Variants in ZFAND3 observed in about 807,000 individuals in gnomAD.
ZFAND3 encodes the protein zinc finger AN1-type containing 3, also known as AN1-type zinc finger protein 3.
A neutral mutation model predicts 29.6 loss-of-function variants in ZFAND3; 10 were observed. That is an observed-to-expected ratio of 0.34 (90% CI 0.21 to 0.57). ZFAND3 has a LOEUF of 0.57. Among genes scored for constraint, ZFAND3 ranks in the 20% least tolerant of loss-of-function variants. The pLI is 0.86. For missense variants in ZFAND3, 230 were observed against 304.5 expected (o/e 0.76, Z 1.82); for synonymous variants, 128 against 112.6 (o/e 1.14, Z -0.87).
At chr6:38,098,940 G>T (rs1364901237) in intron 4 of ZFAND3, among the ~76,000 whole-genome samples, 1 of 152,078 alleles carries the variant, frequency 6.6e-6, no homozygotes, top group Non-Finnish European at 1.5e-5. Flanking sequence ...AGATGGGGTT[G>T]CTCAGGCTAG....
chr6:37,925,296 C>G (rs191100455), intron 1 of ZFAND3, among the ~76,000 whole-genome samples: 1 of 152,114 alleles, frequency 6.6e-6, no homozygotes, highest in African/African-American at 2.4e-5. Context: ...TGGTGGCCAT[C>G]ATAGAAGCAT....
At chr6:37,862,318 T>C (rs1434913727) in intron 1 of ZFAND3, among the ~76,000 whole-genome samples, 1 of 152,080 alleles carries the variant, frequency 6.6e-6, no homozygotes, top group Admixed American at 6.6e-5. Flanking sequence ...CATCATACAG[T>C]ATCTTAAAAC....
At chr6:37,993,084 C>G (rs994887675) in intron 2 of ZFAND3, among the ~76,000 whole-genome samples, 9 of 152,058 alleles carry the variant, frequency 5.9e-5, no homozygotes, top group Admixed American at 2.0e-4. Context: ...TTTCATTGTA[C>G]ACATACATTT....
At chr6:37,891,853 C>T (rs1276724077) in intron 1 of ZFAND3, among the ~76,000 whole-genome samples, 5 of 151,908 alleles carry the variant, frequency 3.3e-5, no homozygotes, top group East Asian at 1.9e-4. Flanking sequence ...CTCAGCCTCC[C>T]GAGTAGTTGG....
chr6:37,978,809 C>T (rs9470740), intron 2 of ZFAND3, among the ~76,000 whole-genome samples: 160 of 152,190 alleles, frequency 1.1e-3, no homozygotes, highest in African/African-American at 2.6e-3. Context: ...GGATTACAGG[C>T]GCCGGCCACC....
At chr6:38,040,997 C>T (rs891749150) in intron 2 of ZFAND3, among the ~76,000 whole-genome samples, 1 of 152,170 alleles carries the variant, frequency 6.6e-6, no homozygotes, top group African/African-American at 2.4e-5. Flanking sequence ...TAATTCATTT[C>T]TGGCATTTAG....
Position 38,045,953 on chromosome 6 carries a change from G to A in ZFAND3, c.113-15640G>A, listed in dbSNP as rs116636510. Among the ~76,000 whole-genome samples the A allele has an allele frequency of 3.5e-3, 537 of 152,304 alleles. 4 individuals are homozygous for A. Among genetic ancestry groups the A allele is most frequent in the Middle Eastern group, 0.01 (3 of 294 alleles). Reference sequence around the variant, plus strand: ...TGTTATGAACTCTAAAGTGGTTAGCGAGAAGAGTAGCGAACAGTGTTCTCA... The same window carrying A: ...TGTTATGAACTCTAAAGTGGTTAGCAAGAAGAGTAGCGAACAGTGTTCTCA... On this transcript the variant is annotated intron_variant, in intron 2 of 5. Coordinates refer to ENST00000287218, the MANE Select transcript of ZFAND3 (RefSeq NM_021943.3).
chr6:38,107,634 C>G (rs553976032), intron 4 of ZFAND3, among the ~76,000 whole-genome samples: 1 of 152,292 alleles, frequency 6.6e-6, no homozygotes, highest in South Asian at 2.1e-4. Context: ...GAGTTTGAGA[C>G]CAGCCTGGGC....
intron 1 of ZFAND3, among the ~76,000 whole-genome samples, chr6:37,900,241 A>G (rs895113468): frequency 3.9e-5 from 6 of 152,158 alleles, no homozygotes; most frequent in African/African-American, 1.4e-4. Flanking sequence ...TTCTTCCCAT[A>G]TTATCTTAAT....
intron 3 of ZFAND3, among the ~76,000 whole-genome samples, chr6:38,072,136 T>TTCTCTC (rs56193979): frequency 6.3e-4 from 83 of 131,630 alleles, no homozygotes; most frequent in African/African-American, 2.1e-3. Context: ...CATTTTCTGT[T>TTCTCTC]TCTCTCTCTC....
intron 2 of ZFAND3, among the ~76,000 whole-genome samples, chr6:37,990,859 C>G (rs1482563741): frequency 6.6e-6 from 1 of 152,154 alleles, no homozygotes. Context: ...CTCTTGGCCA[C>G]CTCCATTACA....
chr6:37,823,982 G>T (rs1422877988), intron 1 of ZFAND3, among the ~76,000 whole-genome samples: 1 of 152,058 alleles, frequency 6.6e-6, no homozygotes, highest in African/African-American at 2.4e-5. Context: ...GTAGAGACGT[G>T]GGAGACTGTT....
At position 37,918,951 on chromosome 6, in the gene ZFAND3, C is replaced by CTTT. The variant is rs66941014; in HGVS notation, c.72-10990_72-10988dup. On this transcript the variant is annotated intron_variant, in intron 1 of 5. Transcript: ENST00000287218. ...TGTGTTTTCAAAACATGAAAAATGC[C>CTTT]TTTTTTTTTTTTTTTTTTTTGAGAC... Among the ~76,000 whole-genome samples, 249 of 104,714 alleles carry CTTT rather than the reference C, an allele frequency of 2.4e-3. 12 individuals are homozygous for CTTT. The highest frequency in any genetic ancestry group is 2.7e-3 in the Non-Finnish European group (144 of 54,158). 68.7% of individuals were successfully genotyped at this position (104,714 alleles called of 152,430 possible).
At chr6:37,986,008 C>G (rs1275751088) in intron 2 of ZFAND3, among the ~76,000 whole-genome samples, 1 of 152,186 alleles carries the variant, frequency 6.6e-6, no homozygotes, top group Non-Finnish European at 1.5e-5. Flanking sequence ...ATAACCAGCT[C>G]TCTCAGGGAC....
intron 5 of ZFAND3, among the ~76,000 whole-genome samples, chr6:38,134,607 CTTTA>C (rs1208190684): frequency 2.0e-5 from 3 of 152,154 alleles, no homozygotes; most frequent in East Asian, 1.9e-4. Flanking sequence ...AGCCTGAATC[CTTTA>C]TTTATTAGAT....
intron 5 of ZFAND3, among the ~76,000 whole-genome samples, chr6:38,149,188 GC>G (rs1301955082): frequency 6.6e-6 from 1 of 152,010 alleles, no homozygotes; most frequent in Admixed American, 6.6e-5. Flanking sequence ...CGGGAGGAAT[GC>G]TTGAAGCCAG....
intron 5 of ZFAND3, among the ~76,000 whole-genome samples, chr6:38,125,350 T>C (rs1461031337): frequency 2.0e-5 from 3 of 152,162 alleles, no homozygotes; most frequent in African/African-American, 7.2e-5. Flanking sequence ...GAACTCCATG[T>C]ATTTAGCCCA....
At chr6:38,102,172 T>G (rs531703984) in intron 4 of ZFAND3, among the ~76,000 whole-genome samples, 2 of 152,272 alleles carry the variant, frequency 1.3e-5, no homozygotes, top group African/African-American at 4.8e-5. Flanking sequence ...ATCTTCATCT[T>G]ATTGTTGAGT....
intron 5 of ZFAND3, among the ~76,000 whole-genome samples, chr6:38,143,368 GCTCT>G (rs1157857793): frequency 6.6e-6 from 1 of 152,276 alleles, no homozygotes; most frequent in Non-Finnish European, 1.5e-5. Context: ...ACTGCTGACG[GCTCT>G]CTGAGAGCGA....
Sources: allele counts gnomAD v4.1 joint callset (sites outside exome capture counted in the v4.1 genomes callset), GRCh38; gene constraint gnomAD v4.1.1; transcripts MANE v1.5; gene names NCBI Gene and HGNC (gene_info 2026-07-23, HGNC 2026-07-21).